The following KDM3B variants were observed in gnomAD, a reference collection of about 807,000 sequenced individuals.
KDM3B encodes lysine-specific demethylase 3B.
In KDM3B, 10 loss-of-function variants were observed where a neutral mutation model predicts 170.0. The observed-to-expected ratio is 0.06, with a 90% confidence interval of 0.04 to 0.10. The LOEUF (loss-of-function observed/expected upper bound fraction) is 0.10, where lower values mean the gene tolerates loss of function less well. Ranked by LOEUF, KDM3B falls within the 10% of genes least tolerant of loss-of-function variation. The pLI, the probability that KDM3B is intolerant of heterozygous loss-of-function variation, is 1.00. For synonymous variants in KDM3B, 831 were observed against 834.8 expected (o/e 1.00, Z 0.08); for missense variants, 1,394 against 2,195.2 (o/e 0.64, Z 7.29).
Position 138,391,284 on chromosome 5 carries a change from C to T in KDM3B, c.1652C>T (p.Ser551Phe). ...GTTTCAGAGAGTTTGGCTGATGATT[C>T]TTCTAGTCGGGACTCATTCAAACAA... Reference protein sequence around the residue: ...TTVSESLADDSSSRDSFKQSL... With the variant: ...TTVSESLADDFSSRDSFKQSL... The change falls in exon 8 of 24, where the codon TCT (serine) becomes TTT (phenylalanine). Residue 551 changes from serine to phenylalanine, a missense_variant. By Grantham distance (155) the Ser-to-Phe change is radical. This residue lies in a region of KDM3B where 294 missense variants were observed against 311.7 expected (regional missense o/e 0.94). Transcript: ENST00000314358. The surrounding 1 kb of genome is among the most constrained non-coding windows in gnomAD (Gnocchi z 5.0). 1 of 1,614,184 alleles carries T rather than the reference C, an allele frequency of 6.2e-7. No homozygotes were observed. Among genetic ancestry groups the T allele is most frequent in the Non-Finnish European group, 8.5e-7 (1 of 1,180,036 alleles).
intron 7 of KDM3B, among the ~76,000 whole-genome samples, chr5:138,388,641 TAAAAAAA>T (rs60280463): frequency 3.5e-5 from 3 of 84,644 alleles, no homozygotes; most frequent in African/African-American, 4.6e-5. Flanking sequence ...ACTCCGTCTT[TAAAAAAA>T]AAAAAAAAAA....
chr5:138,427,419 C>A, intron 19 of KDM3B, 100 bp downstream of exon 19: 1 of 1,334,094 alleles, frequency 7.5e-7, no homozygotes, highest in Non-Finnish European at 1.0e-6. Context: ...GAGATGATTG[C>A]AGGCAAGTGC....
At chr5:138,424,008 A>G in intron 15 of KDM3B, 67 bp from the exon 16 acceptor site, 1 of 1,460,186 alleles carries the variant, frequency 6.8e-7, no homozygotes, top group Non-Finnish European at 9.2e-7. Context: ...CAATTGTGAG[A>G]CAGTTTTTTG....
intron 14 of KDM3B, among the ~76,000 whole-genome samples, chr5:138,420,012 A>G (rs1476097145): frequency 6.6e-6 from 1 of 152,024 alleles, no homozygotes; most frequent in Non-Finnish European, 1.5e-5. Context: ...CAGCCTCCCA[A>G]GTAGCTGGGA....
rs191375679 is a variant in KDM3B at position 138,396,257 on chromosome 5, A to G, written c.2832-1921A>G. Among the ~76,000 whole-genome samples the G allele has an allele frequency of 1.9e-3, 296 of 152,016 alleles. 8 individuals are homozygous for G. In the East Asian group the frequency reaches 0.045, roughly 23 times the overall value. Reference sequence around the variant, plus strand: ...ACTACAGGTGCCCGCCACCACACCCAGCTAATTTTTTATATTTTTAGTAGA... The same window carrying G: ...ACTACAGGTGCCCGCCACCACACCCGGCTAATTTTTTATATTTTTAGTAGA... On this transcript the variant is annotated intron_variant, in intron 9 of 23. Transcript: ENST00000314358.
chr5:138,425,500 A>G lies in KDM3B; in HGVS notation c.4329A>G (p.Val1443=), dbSNP rs1411612276. The G allele has an allele frequency of 6.2e-7, 1 of 1,614,178 alleles. No homozygotes were observed. Among genetic ancestry groups the G allele is most frequent in the Admixed American group, 1.7e-5 (1 of 60,014 alleles). ...AFSQEFGDQD[V]DLVNCRNCAI... is the part of the protein sequence containing the mutation. ...GCCAGGAATTTGGAGACCAGGATGTAGACTTGGTGAACTGCAGGAACTGTG... is the reference window on the plus strand; with the variant it reads ...GCCAGGAATTTGGAGACCAGGATGTGGACTTGGTGAACTGCAGGAACTGTG... Residue 1443 remains valine (V), a synonymous_variant, in exon 17 of 24, where the codon GTA becomes GTG. Coordinates refer to ENST00000314358, the MANE Select transcript of KDM3B (RefSeq NM_016604.4).
At position 138,392,242 on chromosome 5, in the gene KDM3B, T is replaced by G; in HGVS notation, c.2610T>G (p.Pro870=). ...GGAAGCAGGCCCCCAAGGGCCGGCC[T>G]CGGACTGCCCCCCTGAAAGGTGATC... is the stretch of plus-strand genomic sequence containing the variant. ...SKGKQAPKGR[P]RTAPLKVGQS... is the part of the protein sequence containing the mutation. The change falls in exon 8 of 24, where the codon CCT becomes CCG. Residue 870 remains proline, a synonymous_variant. Coordinates refer to ENST00000314358, the MANE Select transcript of KDM3B (RefSeq NM_016604.4). 1 of 1,498,046 alleles carries G rather than the reference T, an allele frequency of 6.7e-7. No individual in the cohort carries two copies. The allele number at this position is 1,498,046 out of a possible 1,614,324, so 92.8% of individuals were successfully genotyped here.
chr5:138,435,338 A>T (rs1763645938), intron 23 of KDM3B, among the ~76,000 whole-genome samples: 1 of 152,228 alleles, frequency 6.6e-6, no homozygotes, highest in African/African-American at 2.4e-5. Context: ...TCTGTCAAGG[A>T]TTAAGCAAAG....
chr5:138,373,138 G>A (rs886543511), intron 2 of KDM3B, among the ~76,000 whole-genome samples: 6 of 152,084 alleles, frequency 3.9e-5, no homozygotes, highest in Non-Finnish European at 8.8e-5. Context: ...TCAGGAGTTT[G>A]AGATCACCCT....
At chr5:138,419,336 A>G in intron 14 of KDM3B, 104 bp downstream of exon 14, 4 of 1,335,710 alleles carry the variant, frequency 3.0e-6, no homozygotes, top group Non-Finnish European at 2.0e-6. Flanking sequence ...GAAACATGCT[A>G]CTTACTTTCT....
chr5:138,415,250 T>C lies in KDM3B; in HGVS notation c.3307+11T>C, dbSNP rs765575937. On this transcript the variant is annotated intron_variant, in intron 12 of 23. Coordinates refer to ENST00000314358, the MANE Select transcript of KDM3B (RefSeq NM_016604.4). ...TTATTCCTGGCACAGGTAAGGAAAT[T>C]CCTTTTTTAGATTTGGTGGAAGAAA... The C allele has an allele frequency of 5.4e-5, 85 of 1,560,660 alleles. No individual in the cohort carries two copies. The highest frequency in any genetic ancestry group is 3.4e-4 in the Middle Eastern group (2 of 5,932).
At chr5:138,402,813 C>CAGCA (rs1281432428) in intron 11 of KDM3B, among the ~76,000 whole-genome samples, 1 of 152,184 alleles carries the variant, frequency 6.6e-6, no homozygotes, top group Non-Finnish European at 1.5e-5. Flanking sequence ...TTCTAGGCTA[C>CAGCA]AGCAAGGGAA....
intron 4 of KDM3B, 57 bp downstream of exon 4, chr5:138,377,882 G>A: frequency 7.9e-7 from 1 of 1,269,306 alleles, no homozygotes; most frequent in East Asian, 2.3e-5. Flanking sequence ...GATCACTGTT[G>A]AGTGATAGTA....
intron 6 of KDM3B, among the ~76,000 whole-genome samples, chr5:138,385,510 C>T (rs548387489): frequency 7.8e-4 from 119 of 152,356 alleles, no homozygotes; most frequent in Non-Finnish European, 1.2e-3. Context: ...GGATTACAGG[C>T]GTGAGCCACT....
chr5:138,391,699 G>C lies in KDM3B; in HGVS notation c.2067G>C (p.Lys689Asn). 1 of 1,614,052 alleles carries C rather than the reference G, an allele frequency of 6.2e-7. No individual in the cohort carries two copies. Among genetic ancestry groups the C allele is most frequent in the East Asian group, 2.2e-5 (1 of 44,866 alleles). ...SSADSASLAKKKPLFITTDSS... is the reference protein window; with the variant it reads ...SSADSASLAKNKPLFITTDSS... ...CAGATTCGGCATCTTTAGCAAAGAAGAAACCCCTCTTCATTACAACTGACT... is the reference window on the plus strand; with the variant it reads ...CAGATTCGGCATCTTTAGCAAAGAACAAACCCCTCTTCATTACAACTGACT... The change falls in exon 8 of 24, where the codon AAG becomes AAC. Residue 689 changes from lysine (K) to asparagine (N), a missense_variant. Lys to Asn is a moderately conservative substitution (Grantham distance 94). This residue lies in a region of KDM3B where 294 missense variants were observed against 311.7 expected (regional missense o/e 0.94). Transcript: ENST00000314358. The surrounding 1 kb of genome is among the most constrained non-coding windows in gnomAD (Gnocchi z 5.0).
chr5:138,412,064 G>A (rs1262326216), intron 11 of KDM3B, among the ~76,000 whole-genome samples: 3 of 151,018 alleles, frequency 2.0e-5, no homozygotes, highest in Non-Finnish European at 3.0e-5. Context: ...AGCTGGGCAC[G>A]GTGGCTCATG....
intron 11 of KDM3B, among the ~76,000 whole-genome samples, chr5:138,400,841 T>C (rs1406471375): frequency 6.6e-6 from 1 of 151,770 alleles, no homozygotes; most frequent in Non-Finnish European, 1.5e-5. Context: ...ATACCTGTTA[T>C]CAGTCACTGC....
chr5:138,402,355 T>C (rs1020851579), intron 11 of KDM3B, among the ~76,000 whole-genome samples: 4 of 152,246 alleles, frequency 2.6e-5, no homozygotes, highest in African/African-American at 9.6e-5. Context: ...GGAGGTATAA[T>C]ATAACCATTG....
chr5:138,374,555 C>T (rs1212185471), intron 2 of KDM3B, among the ~76,000 whole-genome samples: 4 of 152,182 alleles, frequency 2.6e-5, no homozygotes, highest in African/African-American at 9.7e-5. Flanking sequence ...CTGCGCCCGG[C>T]TTCTCATTTG....
Sources: allele counts gnomAD v4.1 joint callset (sites outside exome capture counted in the v4.1 genomes callset), GRCh38; gene constraint gnomAD v4.1.1; regional missense constraint gnomAD v4.1.1; non-coding constraint Gnocchi (gnomAD v3.1); transcripts MANE v1.5; gene names NCBI Gene and HGNC (gene_info 2026-07-23, HGNC 2026-07-21).